The following CARNMT1 variants were observed in gnomAD, a reference collection of about 807,000 sequenced individuals.
CARNMT1 encodes carnosine N-methyltransferase 1, also known as protein-L-histidine N-pros-methyltransferase CARNMT1.
CARNMT1 carries 28 observed loss-of-function variants against 49.6 expected under a neutral mutation model. That is an observed-to-expected ratio of 0.56 (90% confidence interval 0.42 to 0.77). The LOEUF is 0.77. Ranked by LOEUF, CARNMT1 falls within the 30% of genes least tolerant of loss-of-function variation. The pLI is 0.00. For missense variants in CARNMT1, 421 were observed against 512.6 expected (o/e 0.82, Z 1.73); for synonymous variants, 178 against 175.0 (o/e 1.02, Z -0.13).
rs535279477 is a variant in CARNMT1 at position 75,020,456 on chromosome 9, C to A, written c.231-3008G>T. 2.2e-3 allele frequency among the ~76,000 whole-genome samples: 333 copies of A among 151,772 alleles called. 1 individual carries two copies. The highest frequency in any genetic ancestry group is 7.7e-3 in the African/African-American group (320 of 41,412). On this transcript the variant is annotated intron_variant, in intron 1 of 7. Transcript: ENST00000376834. Reference sequence around the variant, plus strand: ...CTGATTTTTGTATTTTTAGTAGAGACGGGGTTTCACCATACTGTCCAGGAT... The same window carrying A: ...CTGATTTTTGTATTTTTAGTAGAGAAGGGGTTTCACCATACTGTCCAGGAT...
chr9:75,014,502 A>G (rs1197400676), intron 3 of CARNMT1, among the ~76,000 whole-genome samples: 5 of 152,302 alleles, frequency 3.3e-5, no homozygotes, highest in African/African-American at 9.6e-5. Flanking sequence ...AATTTTCTCA[A>G]TGGTTTCAGA....
chr9:74,991,835 A>C (rs1424029097), intron 6 of CARNMT1, among the ~76,000 whole-genome samples: 4 of 152,124 alleles, frequency 2.6e-5, no homozygotes, highest in African/African-American at 9.7e-5. Context: ...ACTTCTAAAA[A>C]CTGGCACATT....
intron 1 of CARNMT1, 90 bp downstream of exon 1, chr9:75,027,922 C>A: frequency 7.3e-6 from 10 of 1,364,206 alleles, no homozygotes; most frequent in Non-Finnish European, 8.6e-6. Context: ...GGCGTGGCGG[C>A]GGGACGGCGA....
intron 6 of CARNMT1, among the ~76,000 whole-genome samples, chr9:74,986,573 T>A (rs1832847493): frequency 6.6e-6 from 1 of 152,238 alleles, no homozygotes; most frequent in Admixed American, 6.5e-5. Context: ...ATGCTGTTCC[T>A]GTTCCATTAA....
At chr9:75,021,486 A>ATC (rs1025541261) in intron 1 of CARNMT1, among the ~76,000 whole-genome samples, 6 of 147,710 alleles carry the variant, frequency 4.1e-5, no homozygotes, top group South Asian at 2.1e-4. Context: ...ATATATATAT[A>ATC]TCTACTGTTC....
chr9:75,008,113 C>A (rs990371847), intron 3 of CARNMT1, among the ~76,000 whole-genome samples: 2 of 137,002 alleles, frequency 1.5e-5, no homozygotes, highest in East Asian at 2.2e-4. Context: ...CTGGGCCACA[C>A]TGGAAGAATT....
At chr9:75,013,456 A>C (rs1316405091) in intron 3 of CARNMT1, among the ~76,000 whole-genome samples, 1 of 152,220 alleles carries the variant, frequency 6.6e-6, no homozygotes, top group East Asian at 1.9e-4. Flanking sequence ...AAAGTTATTA[A>C]TTTTAGCATT....
chr9:75,016,293 A>G lies in CARNMT1; in HGVS notation c.565T>C (p.Leu189=). Reference sequence around the variant, plus strand: ...CATCTCTCTTTTGGAAAATTTTTTAAAATTTCTTTAATGATTGGCTGGTAA... The same window carrying G: ...CATCTCTCTTTTGGAAAATTTTTTAGAATTTCTTTAATGATTGGCTGGTAA... ...ACYQPIIKEI[L]KNFPKERWDP... The change falls in exon 3 of 8, where the codon TTA becomes CTA. Residue 189 remains leucine, a synonymous_variant. Transcript: ENST00000376834. 1 of 1,613,014 alleles carries G rather than the reference A, an allele frequency of 6.2e-7. No homozygotes were observed. Among genetic ancestry groups the G allele is most frequent in the South Asian group, 1.1e-5 (1 of 90,738 alleles).
chr9:75,027,529 G>C (rs1822566332), intron 1 of CARNMT1: 2 of 929,302 alleles, frequency 2.2e-6, no homozygotes, highest in Non-Finnish European at 2.6e-6. Flanking sequence ...ATCTTAAACT[G>C]CTCTTACAAG....
chr9:75,028,200 C>G lies in CARNMT1; in HGVS notation c.42G>C (p.Leu14=), dbSNP rs1374242435. Reference sequence around the variant, plus strand: ...CGCCTCCTCCCCCGCAGCCCTCGGGCAGCCGGGAGGTGGGCGGCGGAGGGC... The same window carrying G: ...CGCCTCCTCCCCCGCAGCCCTCGGGGAGCCGGGAGGTGGGCGGCGGAGGGC... ...RRRPPPPTSR[L]PEGCGGGGGG... is the part of the protein sequence containing the mutation. Residue 14 remains leucine (L), a synonymous_variant, in exon 1 of 8, where the codon CTG becomes CTC. Coordinates refer to ENST00000376834, the MANE Select transcript of CARNMT1 (RefSeq NM_152420.3). 1 of 1,484,658 alleles carries G rather than the reference C, an allele frequency of 6.7e-7. No individual in the cohort carries two copies. Among genetic ancestry groups the G allele is most frequent in the South Asian group, 1.3e-5 (1 of 76,452 alleles). 92.0% of individuals were successfully genotyped at this position (1,484,658 alleles called of 1,614,324 possible).
intron 3 of CARNMT1, among the ~76,000 whole-genome samples, chr9:75,014,344 G>A (rs889602600): frequency 6.6e-6 from 1 of 152,120 alleles, no homozygotes; most frequent in Non-Finnish European, 1.5e-5. Flanking sequence ...TGATGTTGTT[G>A]GAAGTGAGGT....
intron 6 of CARNMT1, among the ~76,000 whole-genome samples, chr9:74,986,701 C>T (rs201611735): frequency 6.6e-6 from 1 of 152,178 alleles, no homozygotes; most frequent in Non-Finnish European, 1.5e-5. Flanking sequence ...AAAGCTCCAA[C>T]CCTCCAACTC....
intron 1 of CARNMT1, among the ~76,000 whole-genome samples, chr9:75,022,039 T>G (rs941017156): frequency 2.0e-5 from 3 of 152,092 alleles, no homozygotes; most frequent in African/African-American, 7.2e-5. Context: ...ACAAAGTGGA[T>G]GTTCATCATT....
chr9:75,024,075 T>C (rs1169628409), intron 1 of CARNMT1, among the ~76,000 whole-genome samples: 1 of 152,162 alleles, frequency 6.6e-6, no homozygotes, highest in Non-Finnish European at 1.5e-5. Flanking sequence ...AACTCTGATT[T>C]AGTCACCTGT....
Position 75,028,196 on chromosome 9 carries a change from C to G in CARNMT1, c.46G>C (p.Glu16Gln). 6 of 1,487,132 alleles carry G rather than the reference C, an allele frequency of 4.0e-6. No individual in the cohort carries two copies. The highest frequency in any genetic ancestry group is 5.4e-6 in the Non-Finnish European group (6 of 1,118,684). The allele number at this position is 1,487,132 out of a possible 1,614,324, so 92.1% of individuals were successfully genotyped here. ...CCACCGCCTCCTCCCCCGCAGCCCT[C>G]GGGCAGCCGGGAGGTGGGCGGCGGA... The part of the protein sequence containing the change: ...RPPPPTSRLP[E>Q]GCGGGGGGSE... Residue 16 changes from glutamate (E) to glutamine (Q), a missense_variant, in exon 1 of 8, where the codon GAG (glutamate) becomes CAG (glutamine). This residue lies in a region of CARNMT1 where 186 missense variants were observed against 167.9 expected (regional missense o/e 1.11). Coordinates refer to ENST00000376834, the MANE Select transcript of CARNMT1 (RefSeq NM_152420.3).
At chr9:74,991,076 A>T (rs1832995256) in intron 6 of CARNMT1, 1 of 152,232 alleles carries the variant, frequency 6.6e-6, no homozygotes, top group South Asian at 2.1e-4. Context: ...TGATATTGAC[A>T]TGCCCACTCC....
intron 3 of CARNMT1, among the ~76,000 whole-genome samples, chr9:75,002,529 A>T (rs1311212376): frequency 1.3e-5 from 2 of 152,232 alleles, no homozygotes; most frequent in African/African-American, 4.8e-5. Flanking sequence ...ACAAAAAGGA[A>T]TGAAAAACAT....
intron 3 of CARNMT1, among the ~76,000 whole-genome samples, chr9:75,010,925 G>C (rs1286983737): frequency 6.6e-6 from 1 of 151,966 alleles, no homozygotes; most frequent in African/African-American, 2.4e-5. Flanking sequence ...GTGAAGTACT[G>C]AATGTCCCTG....
Position 74,983,239 on chromosome 9 carries a change from C to T in CARNMT1, c.*528G>A, listed in dbSNP as rs1380288753. The stretch of plus-strand genomic sequence containing the variant: ...TCCGGCCTGGGAGACAGAGCGGGAT[C>T]CTGTCTCTGAAGAAAAAAAAAAAAA... On this transcript the variant is annotated 3_prime_UTR_variant, in exon 8 of 8. Coordinates refer to ENST00000376834, the MANE Select transcript of CARNMT1 (RefSeq NM_152420.3). 1 of 142,652 alleles carries T rather than the reference C, an allele frequency of 7.0e-6. No individual in the cohort carries two copies. Among genetic ancestry groups the T allele is most frequent in the Non-Finnish European group, 1.5e-5 (1 of 65,156 alleles). The allele number at this position is 142,652 out of a possible 1,614,324, so 8.8% of individuals were successfully genotyped here. A position where few individuals can be genotyped will look rare whatever the true frequency, so the allele number is the denominator to read the frequency against.
Sources: allele counts gnomAD v4.1 joint callset (sites outside exome capture counted in the v4.1 genomes callset), GRCh38; gene constraint gnomAD v4.1.1; regional missense constraint gnomAD v4.1.1; transcripts MANE v1.5; gene names NCBI Gene and HGNC (gene_info 2026-07-23, HGNC 2026-07-21).